SRGAP1: variants seen among roughly 807,000 people sequenced by gnomAD.
The protein encoded by SRGAP1 is SLIT-ROBO Rho GTPase activating protein 1.
In SRGAP1, 43 loss-of-function variants were observed where a neutral mutation model predicts 121.9. The ratio of observed to expected loss-of-function variants is 0.35; its 90% CI spans 0.28 to 0.46. The LOEUF is 0.46. SRGAP1 is among the 20% of genes least tolerant of loss of function. SRGAP1 has a pLI of 1.00. For missense variants in SRGAP1, 1,102 were observed against 1,350.9 expected, an observed-to-expected ratio of 0.82 and a Z score of 2.89; for synonymous variants, 447 against 485.4, an observed-to-expected ratio of 0.92 and a Z score of 1.04.
At chr12:64,052,930 C>T (rs1481719704) in intron 6 of SRGAP1, among the ~76,000 whole-genome samples, 2 of 152,148 alleles carry the variant, frequency 1.3e-5, no homozygotes, top group East Asian at 1.9e-4. Flanking sequence ...AGTTGTTATA[C>T]CTTTGCCTCA....
chr12:64,058,942 A>G (rs2035396291), intron 6 of SRGAP1, among the ~76,000 whole-genome samples: 1 of 152,122 alleles, frequency 6.6e-6, no homozygotes, highest in African/African-American at 2.4e-5. Flanking sequence ...AATGCTGCCT[A>G]TCAGAAGTAA....
intron 18 of SRGAP1, chr12:64,116,143 G>A (rs2036517582): frequency 5.0e-6 from 2 of 402,628 alleles, no homozygotes; most frequent in Non-Finnish European, 9.2e-6. Flanking sequence ...TGTAGTCCCA[G>A]TTACTCAGAA....
chr12:64,103,596 A>G (rs1174098819), intron 15 of SRGAP1, among the ~76,000 whole-genome samples: 1 of 152,218 alleles, frequency 6.6e-6, no homozygotes, highest in Non-Finnish European at 1.5e-5. Context: ...TTATTGACAT[A>G]CATGGTAGTT....
At chr12:64,045,540 A>G (rs2035112760) in intron 6 of SRGAP1, among the ~76,000 whole-genome samples, 1 of 151,896 alleles carries the variant, frequency 6.6e-6, no homozygotes, top group African/African-American at 2.4e-5. Flanking sequence ...GGTTCAAGCA[A>G]TTCTCCTGCC....
At chr12:63,890,293 A>C (rs895401772) in intron 1 of SRGAP1, among the ~76,000 whole-genome samples, 2 of 152,186 alleles carry the variant, frequency 1.3e-5, no homozygotes, top group South Asian at 2.1e-4. Flanking sequence ...AGAGAGGCCA[A>C]AGGCAGGAGA....
At chr12:63,972,289 A>G (rs994901768) in intron 1 of SRGAP1, among the ~76,000 whole-genome samples, 15 of 152,254 alleles carry the variant, frequency 9.9e-5, no homozygotes, top group African/African-American at 3.6e-4. Flanking sequence ...CTCTTGTGGT[A>G]GAAGTAGATA....
chr12:64,045,190 C>A (rs2035105258), intron 6 of SRGAP1, among the ~76,000 whole-genome samples: 1 of 151,936 alleles, frequency 6.6e-6, no homozygotes, highest in Admixed American at 6.6e-5. Context: ...TAAATACTTA[C>A]TTCTTCCAGC....
intron 8 of SRGAP1, among the ~76,000 whole-genome samples, chr12:64,068,362 G>T (rs1215096677): frequency 6.6e-6 from 1 of 151,744 alleles, no homozygotes; most frequent in Non-Finnish European, 1.5e-5. Flanking sequence ...TTGAGACAGG[G>T]TCTCACTCTG....
At chr12:64,043,293 C>A (rs2035059765) in intron 5 of SRGAP1, among the ~76,000 whole-genome samples, 154 bp from the exon 6 acceptor site, 1 of 152,134 alleles carries the variant, frequency 6.6e-6, no homozygotes, top group East Asian at 1.9e-4. Context: ...CTATTTAAAT[C>A]AGATTCAAAA....
intron 1 of SRGAP1, among the ~76,000 whole-genome samples, chr12:63,972,173 G>A (rs1287264294): frequency 6.6e-6 from 1 of 152,208 alleles, no homozygotes; most frequent in Non-Finnish European, 1.5e-5. Flanking sequence ...GGGCAACAGA[G>A]CAAGACCTTG....
chr12:63,920,154 A>T (rs1242115697), intron 1 of SRGAP1, among the ~76,000 whole-genome samples: 1 of 152,194 alleles, frequency 6.6e-6, no homozygotes, highest in South Asian at 2.1e-4. Flanking sequence ...CCCACTTTTT[A>T]TCAGCACGTG....
At chr12:63,872,055 G>A in intron 1 of SRGAP1, 1 of 754,672 alleles carries the variant, frequency 1.3e-6, no homozygotes, top group Admixed American at 1.9e-5. Flanking sequence ...CTTTGCAGCA[G>A]GGCTGTTCTG....
chr12:64,125,274 C>A (rs986393174), intron 18 of SRGAP1, among the ~76,000 whole-genome samples: 5 of 152,006 alleles, frequency 3.3e-5, no homozygotes, highest in Middle Eastern at 3.2e-3. Flanking sequence ...ATCTTTTGAT[C>A]TCAAGAAAAA....
At chr12:64,011,600 T>C (rs756578066) in intron 3 of SRGAP1, among the ~76,000 whole-genome samples, 2 of 152,000 alleles carry the variant, frequency 1.3e-5, no homozygotes, top group Non-Finnish European at 2.9e-5. Flanking sequence ...ATTGGTGAAA[T>C]TGAATAAAGA....
At chr12:63,933,219 A>C (rs952742283) in intron 1 of SRGAP1, among the ~76,000 whole-genome samples, 3 of 151,974 alleles carry the variant, frequency 2.0e-5, no homozygotes, top group African/African-American at 7.2e-5. Context: ...GTATCCTAAA[A>C]CTTTAAGTAT....
intron 1 of SRGAP1, among the ~76,000 whole-genome samples, chr12:63,928,396 C>G (rs1186175931): frequency 1.3e-5 from 2 of 152,184 alleles, no homozygotes; most frequent in African/African-American, 4.8e-5. Flanking sequence ...CAGCCTTATT[C>G]ACAATAGCCA....
chr12:64,006,386 C>T lies in SRGAP1; in HGVS notation c.427-10564C>T, dbSNP rs180843047. On this transcript the variant is annotated intron_variant, in intron 3 of 21. Coordinates refer to ENST00000355086, the MANE Select transcript of SRGAP1 (RefSeq NM_020762.4). ...AGAGCAAATGCTCACATCTCTTACC[C>T]AGCTGGCTGGTGTTAGGAGTGTAGC... Among the ~76,000 whole-genome samples the T allele has an allele frequency of 2.3e-3, 349 of 152,276 alleles. 1 individual carries two copies. The highest frequency in any genetic ancestry group is 3.4e-3 in the Middle Eastern group (1 of 294).
intron 17 of SRGAP1, among the ~76,000 whole-genome samples, chr12:64,113,517 C>T (rs1389731222): frequency 6.6e-6 from 1 of 152,062 alleles, no homozygotes; most frequent in Non-Finnish European, 1.5e-5. Flanking sequence ...GTAAGGTTCC[C>T]AGTATGAAGA....
At position 64,153,325 on chromosome 12, in the gene SRGAP1, T is replaced by C. The variant is rs1473487114; in HGVS notation, c.*10653T>C. 12 of 152,010 alleles carry C rather than the reference T, an allele frequency of 7.9e-5. No individual in the cohort carries two copies. Among genetic ancestry groups the C allele is most frequent in the Admixed American group, 6.6e-4 (10 of 15,264 alleles). The allele number at this position is 152,010 out of a possible 1,614,324, so 9.4% of individuals were successfully genotyped here. ...GAGGCCAAAGTAAGGTACTTAAAAT[T>C]AGCCGGGCTTGGTGGTGCACAACTG... On this transcript the variant is annotated 3_prime_UTR_variant, in exon 22 of 22. Coordinates refer to ENST00000355086, the MANE Select transcript of SRGAP1 (RefSeq NM_020762.4).
Sources: gnomAD v4.1 joint callset for allele counts (sites outside exome capture counted in the v4.1 genomes callset) on GRCh38, gnomAD v4.1.1 for gene constraint, MANE v1.5 for transcripts, NCBI Gene and HGNC (gene_info 2026-07-23, HGNC 2026-07-21) for gene names.